Variants in NCKAP5 observed in about 807,000 individuals in gnomAD.
The protein encoded by NCKAP5 is NCK associated protein 5.
NCKAP5 carries 92 observed loss-of-function variants against 167.0 expected under a neutral mutation model. That is an observed-to-expected ratio of 0.55 (90% confidence interval 0.47 to 0.66). NCKAP5 has a LOEUF of 0.66. Among genes scored for constraint, NCKAP5 ranks in the 30% least tolerant of loss-of-function variants. The pLI, the probability that NCKAP5 is intolerant of heterozygous loss-of-function variation, is 0.00. For missense variants in NCKAP5, 2,378 were observed against 2,315.0 expected, an observed-to-expected ratio of 1.03 and a Z score of -0.56; for synonymous variants, 891 against 877.4, an observed-to-expected ratio of 1.02 and a Z score of -0.27.
rs920809947 is a variant in NCKAP5, at chr2:133,351,594, A to T, written c.70-48484T>A. On this transcript the variant is annotated intron_variant, in intron 3 of 19. Transcript: ENST00000409261. ...AGACATCATTTCCTCTGTGTCTAAG[A>T]TGATTTCCTTGTTTCCTAAAAGACA... is the stretch of plus-strand genomic sequence containing the variant. 2.0e-5 allele frequency among the ~76,000 whole-genome samples: 3 copies of T among 152,164 alleles called. No homozygotes were observed. The South Asian group carries it at 6.2e-4, about 31-fold the overall frequency.
chr2:133,503,817 T>C (rs1156892470), intron 3 of NCKAP5, among the ~76,000 whole-genome samples: 1 of 152,232 alleles, frequency 6.6e-6, no homozygotes, highest in Non-Finnish European at 1.5e-5. Context: ...TCTGGATTAA[T>C]TGCAGGACGT....
At chr2:133,042,371 G>A (rs1364789305) in intron 6 of NCKAP5, among the ~76,000 whole-genome samples, 1 of 152,114 alleles carries the variant, frequency 6.6e-6, no homozygotes, top group African/African-American at 2.4e-5. Flanking sequence ...GCCTGGGTGG[G>A]AGGATGTATG....
At chr2:133,384,678 C>A (rs1213097764) in intron 3 of NCKAP5, among the ~76,000 whole-genome samples, 1 of 152,144 alleles carries the variant, frequency 6.6e-6, no homozygotes, top group Admixed American at 6.5e-5. Context: ...TTGATTCTTC[C>A]TACCCATGAG....
intron 4 of NCKAP5, among the ~76,000 whole-genome samples, chr2:133,221,725 C>A (rs948783988): frequency 6.6e-6 from 1 of 152,168 alleles, no homozygotes; most frequent in Admixed American, 6.5e-5. Flanking sequence ...AATAAGAAGG[C>A]ACTTTCTGCT....
At chr2:133,078,280 G>T (rs1195331509) in intron 6 of NCKAP5, among the ~76,000 whole-genome samples, 2 of 152,168 alleles carry the variant, frequency 1.3e-5, no homozygotes, top group Non-Finnish European at 2.9e-5. Flanking sequence ...GGCAAAAATG[G>T]AAGTGGATGC....
chr2:133,457,378 AC>A (rs1691926563), intron 3 of NCKAP5, among the ~76,000 whole-genome samples: 1 of 152,158 alleles, frequency 6.6e-6, no homozygotes, highest in African/African-American at 2.4e-5. Context: ...ATCAAATCCT[AC>A]CACTGAGAAC....
intron 6 of NCKAP5, among the ~76,000 whole-genome samples, chr2:133,124,236 C>T (rs1033614039): frequency 1.3e-5 from 2 of 152,136 alleles, no homozygotes; most frequent in Admixed American, 6.5e-5. Context: ...TTTTAACTAT[C>T]CTGGTCAAAT....
intron 4 of NCKAP5, among the ~76,000 whole-genome samples, chr2:133,224,277 G>A (rs2086787499): frequency 6.6e-6 from 1 of 152,178 alleles, no homozygotes; most frequent in Non-Finnish European, 1.5e-5. Flanking sequence ...AGAAGGCTGT[G>A]ACTTTGTGGT....
intron 16 of NCKAP5, among the ~76,000 whole-genome samples, chr2:132,744,400 A>G (rs901739996): frequency 6.6e-6 from 1 of 151,658 alleles, no homozygotes; most frequent in Non-Finnish European, 1.5e-5. Flanking sequence ...AACATTTACA[A>G]CTTATACAGT....
intron 3 of NCKAP5, among the ~76,000 whole-genome samples, chr2:133,364,579 G>A (rs913600822): frequency 6.6e-6 from 1 of 151,910 alleles, no homozygotes; most frequent in Non-Finnish European, 1.5e-5. Flanking sequence ...TCATGTTCTC[G>A]ACACTTTGGA....
At chr2:133,428,671 TA>T (rs1411136387) in intron 3 of NCKAP5, among the ~76,000 whole-genome samples, 2 of 152,094 alleles carry the variant, frequency 1.3e-5, no homozygotes, top group African/African-American at 4.8e-5. Context: ...TGAACCAAGC[TA>T]AAACACCCAA....
intron 3 of NCKAP5, among the ~76,000 whole-genome samples, chr2:133,407,430 C>G (rs1469630359): frequency 1.3e-5 from 2 of 152,184 alleles, no homozygotes; most frequent in East Asian, 3.9e-4. Flanking sequence ...CCACTTACCA[C>G]AGCATTCAAA....
chr2:132,694,171 T>C (rs1191240790), intron 19 of NCKAP5, among the ~76,000 whole-genome samples: 1 of 151,898 alleles, frequency 6.6e-6, no homozygotes, highest in Non-Finnish European at 1.5e-5. Context: ...GACTTAAAAA[T>C]GGGATGCTTG....
chr2:133,644,631 G>A, the NCKAP5 span, among the ~76,000 whole-genome samples: 1 of 152,134 alleles, frequency 6.6e-6, no homozygotes, highest in Non-Finnish European at 1.5e-5. Flanking sequence ...TTTATAAACA[G>A]TGCCAGGTAA....
intron 8 of NCKAP5, among the ~76,000 whole-genome samples, chr2:132,962,663 T>A (rs2076551007): frequency 6.6e-6 from 1 of 152,160 alleles, no homozygotes; most frequent in South Asian, 2.1e-4. Context: ...CAATCTTGGC[T>A]CACTGCAAGC....
chr2:133,117,617 T>C (rs1184567694), intron 6 of NCKAP5: 1 of 152,240 alleles, frequency 6.6e-6, no homozygotes. Flanking sequence ...GCTTTGGTGA[T>C]TGTTTCTGAA....
intron 4 of NCKAP5, among the ~76,000 whole-genome samples, chr2:133,215,354 C>G (rs759917974): frequency 6.6e-6 from 1 of 152,158 alleles, no homozygotes; most frequent in Non-Finnish European, 1.5e-5. Flanking sequence ...GAATTTATCT[C>G]TTCTCTCCCC....
At chr2:132,872,744 A>G (rs1473909422) in intron 9 of NCKAP5, among the ~76,000 whole-genome samples, 1 of 152,214 alleles carries the variant, frequency 6.6e-6, no homozygotes, top group Non-Finnish European at 1.5e-5. Flanking sequence ...CAGAAAAAGT[A>G]TGTGTTTTTG....
intron 4 of NCKAP5, among the ~76,000 whole-genome samples, chr2:133,266,618 G>A (rs2089240342): frequency 6.6e-6 from 1 of 152,144 alleles, no homozygotes. Flanking sequence ...CAAGGCGCGC[G>A]CTGCAGAGCC....
Sources: gnomAD v4.1 joint callset for allele counts (sites outside exome capture counted in the v4.1 genomes callset) on GRCh38, gnomAD v4.1.1 for gene constraint, MANE v1.5 for transcripts, NCBI Gene and HGNC (gene_info 2026-07-23, HGNC 2026-07-21) for gene names.